The following THSD4 variants were observed in gnomAD, a reference collection of about 807,000 sequenced individuals.
THSD4 encodes the protein thrombospondin type 1 domain containing 4.
Under a neutral mutation model 119.0 loss-of-function variants are expected in THSD4, and 69 were observed. That is an observed-to-expected ratio of 0.58 (90% confidence interval 0.48 to 0.71). THSD4 has a LOEUF of 0.71. THSD4 is among the 30% of genes least tolerant of loss of function. THSD4 has a pLI of 0.00. For missense variants in THSD4, 1,393 were observed against 1,391.1 expected (o/e 1.00, Z -0.02); for synonymous variants, 524 against 540.4 (o/e 0.97, Z 0.42).
intron 6 of THSD4, among the ~76,000 whole-genome samples, chr15:71,285,659 G>A (rs796350936): frequency 6.6e-6 from 1 of 152,172 alleles, no homozygotes; most frequent in African/African-American, 2.4e-5. Flanking sequence ...ATTGAGACCA[G>A]TCTGGCCAAT....
At chr15:71,259,528 C>T (rs745765776) in intron 6 of THSD4, among the ~76,000 whole-genome samples, 1 of 152,208 alleles carries the variant, frequency 6.6e-6, no homozygotes, top group African/African-American at 2.4e-5. Context: ...AGAAGTGAGG[C>T]ATGTATCCAA....
At chr15:71,343,615 CTG>C (rs1443480863) in intron 6 of THSD4, among the ~76,000 whole-genome samples, 4 of 152,036 alleles carry the variant, frequency 2.6e-5, no homozygotes, top group East Asian at 1.9e-4. Flanking sequence ...ACCTTCTGCT[CTG>C]TGTGTTTCTG....
At chr15:71,121,490 G>T (rs2040408899) in intron 1 of THSD4, among the ~76,000 whole-genome samples, 2 of 151,884 alleles carry the variant, frequency 1.3e-5, no homozygotes, top group Admixed American at 6.6e-5. Context: ...CTCTTTGATT[G>T]ATCTCCCTTG....
intron 7 of THSD4, chr15:71,547,339 A>G (rs2048852024): frequency 6.5e-7 from 1 of 1,543,642 alleles, no homozygotes; most frequent in Non-Finnish European, 8.7e-7. Flanking sequence ...CCGAGACACA[A>G]GTGCATCTGC....
chr15:71,249,344 A>G (rs1463985873), intron 5 of THSD4, among the ~76,000 whole-genome samples: 2 of 151,838 alleles, frequency 1.3e-5, no homozygotes, highest in African/African-American at 2.4e-5. Context: ...ACACACTTTT[A>G]TATACACAAG....
chr15:71,242,735 A>G lies in THSD4; in HGVS notation c.551A>G (p.His184Arg), dbSNP rs2044163686. Residue 184 changes from histidine to arginine, a missense_variant, in exon 5 of 18, where the codon CAC becomes CGC. Coordinates refer to ENST00000261862, the MANE Select transcript of THSD4 (RefSeq NM_024817.3). ...TTACCACTGCAGACAGACACTGCAC[A>G]CACGCCACAGAGGCTCCGGAGACAG... ...YILPLQTDTA[H>R]TPQRLRRQKL... The G allele has an allele frequency of 1.2e-6, 2 of 1,614,200 alleles. No homozygotes were observed. Among genetic ancestry groups the G allele is most frequent in the South Asian group, 2.2e-5 (2 of 91,084 alleles).
At chr15:71,166,548 A>T (rs2043296328) in intron 3 of THSD4, among the ~76,000 whole-genome samples, 1 of 152,078 alleles carries the variant, frequency 6.6e-6, no homozygotes, top group South Asian at 2.1e-4. Context: ...ATTCCAGCTT[A>T]CTTTTTCCCC....
chr15:71,110,924 A>G (rs568434080), upstream of THSD4: 23 of 559,494 alleles, frequency 4.1e-5, no homozygotes, highest in Non-Finnish European at 6.0e-5. Flanking sequence ...GTAGATCTCC[A>G]TTGTCTAGGC....
rs141405033 is a variant in THSD4, at chr15:71,528,525, A to G, written c.1152+116702A>G. 2.8e-4 allele frequency among the ~76,000 whole-genome samples: 43 copies of G among 152,312 alleles called. 1 individual carries two copies. In the East Asian group the frequency reaches 8.1e-3, roughly 29 times the overall value. On this transcript the variant is annotated intron_variant, in intron 7 of 17. Coordinates refer to ENST00000261862, the MANE Select transcript of THSD4 (RefSeq NM_024817.3). ...CCACTTCTGTGAGCTTGGTCTCCTC[A>G]TCTGGAAAATGGAAATAAAATTTCT...
At chr15:71,587,396 G>A (rs2049692335) in intron 7 of THSD4, among the ~76,000 whole-genome samples, 1 of 117,758 alleles carries the variant, frequency 8.5e-6, no homozygotes, top group African/African-American at 2.8e-5. Context: ...ATGATAGACT[G>A]GATTAAGAAA....
intron 7 of THSD4, among the ~76,000 whole-genome samples, chr15:71,479,180 C>CTTTT (rs5813637): frequency 2.6e-4 from 21 of 80,140 alleles, no homozygotes; most frequent in African/African-American, 4.1e-4. Context: ...TTTCTTCTGC[C>CTTTT]TTTTTTTTTT....
At position 71,207,406 on chromosome 15, in the gene THSD4, C is replaced by G. The variant is rs1250629486; in HGVS notation, c.100-7629C>G. 5.9e-5 allele frequency among the ~76,000 whole-genome samples: 9 copies of G among 152,380 alleles called. No individual in the cohort carries two copies. The East Asian group carries it at 1.7e-3, about 29-fold the overall frequency. On this transcript the variant is annotated intron_variant, in intron 3 of 17. Coordinates refer to ENST00000261862, the MANE Select transcript of THSD4 (RefSeq NM_024817.3). ...CTTCTGCCAAGTCCAGACCACCTCC[C>G]TCTTCCAGCCTTTGCTCGTTCCAGG... is the stretch of plus-strand genomic sequence containing the variant.
chr15:71,332,892 A>AT lies in THSD4; in HGVS notation c.1015+76193dup. Among the ~76,000 whole-genome samples the AT allele has an allele frequency of 6.4e-4, 49 of 77,006 alleles. 4 individuals carry two copies. Among genetic ancestry groups the AT allele is most frequent in the East Asian group, 2.1e-3 (4 of 1,878 alleles). 50.5% of individuals were successfully genotyped at this position (77,006 alleles called of 152,430 possible). A position where few individuals can be genotyped will look rare whatever the true frequency, so the allele number is the denominator to read the frequency against. Reference sequence around the variant, plus strand: ...TCTTAAAACATTGAGATTTTTTTACATTTTTTTTTTTTTTTTAGTTCATCA... The same window carrying AT: ...TCTTAAAACATTGAGATTTTTTTACATTTTTTTTTTTTTTTTTAGTTCATCA... On this transcript the variant is annotated intron_variant, in intron 6 of 17. Transcript: ENST00000261862.
At chr15:71,477,472 C>G (rs1420003022) in intron 7 of THSD4, among the ~76,000 whole-genome samples, 1 of 152,100 alleles carries the variant, frequency 6.6e-6, no homozygotes, top group Non-Finnish European at 1.5e-5. Flanking sequence ...AAAGGACGGG[C>G]GGACAGCAAG....
chr15:71,249,095 CT>C (rs1457737050), intron 5 of THSD4, among the ~76,000 whole-genome samples: 1 of 151,976 alleles, frequency 6.6e-6, no homozygotes, highest in African/African-American at 2.4e-5. Flanking sequence ...TCTTACTGAC[CT>C]TTTCATACAT....
chr15:71,290,513 T>A (rs1343516605), intron 6 of THSD4, among the ~76,000 whole-genome samples: 2 of 152,146 alleles, frequency 1.3e-5, no homozygotes, highest in African/African-American at 2.4e-5. Flanking sequence ...TTTTAAAAAC[T>A]GTTGTTTACA....
intron 7 of THSD4, among the ~76,000 whole-genome samples, chr15:71,463,501 A>G (rs920636110): frequency 2.6e-5 from 4 of 152,212 alleles, no homozygotes; most frequent in African/African-American, 9.7e-5. Context: ...TAAATGCCTG[A>G]TTAATCAATA....
chr15:71,602,247 TGTA>T (rs2050024542), intron 7 of THSD4, among the ~76,000 whole-genome samples: 1 of 152,128 alleles, frequency 6.6e-6, no homozygotes, highest in Non-Finnish European at 1.5e-5. Context: ...TAAATTATGA[TGTA>T]GACATTTTGA....
intron 6 of THSD4, among the ~76,000 whole-genome samples, chr15:71,350,720 G>A (rs1020378987): frequency 1.3e-5 from 2 of 152,128 alleles, no homozygotes; most frequent in Non-Finnish European, 2.9e-5. Context: ...GCAGGGATGA[G>A]GAGGGGAGGT....
Sources: gnomAD v4.1 joint callset for allele counts (sites outside exome capture counted in the v4.1 genomes callset) on GRCh38, gnomAD v4.1.1 for gene constraint, MANE v1.5 for transcripts, NCBI Gene and HGNC (gene_info 2026-07-23, HGNC 2026-07-21) for gene names.